The following ARHGAP39 variants were observed in gnomAD, a reference collection of about 807,000 sequenced individuals.
ARHGAP39 encodes Rho GTPase activating protein 39, also known as rho GTPase-activating protein 39.
A neutral mutation model predicts 106.9 loss-of-function variants in ARHGAP39; 44 were observed. The ratio of observed to expected loss-of-function variants is 0.41; its 90% CI spans 0.32 to 0.53. ARHGAP39 has a LOEUF of 0.53. Ranked by LOEUF, ARHGAP39 falls within the 20% of genes least tolerant of loss-of-function variation. The probability of loss-of-function intolerance (pLI) is 0.21; values close to 1 mark genes in which losing one functional copy is unlikely to be tolerated. For missense variants in ARHGAP39, 1,496 were observed against 1,577.3 expected, an observed-to-expected ratio of 0.95 and a Z score of 0.87; for synonymous variants, 768 against 693.2, an observed-to-expected ratio of 1.11 and a Z score of -1.69.
rs1177712775 is a variant in ARHGAP39, at chr8:144,533,239, C to T, written c.2775G>A (p.Glu925=). 20 of 1,613,142 alleles carry T rather than the reference C, an allele frequency of 1.2e-5. No homozygotes were observed. The highest frequency in any genetic ancestry group is 1.7e-5 in the Non-Finnish European group (20 of 1,179,990). The part of the protein sequence containing the change: ...SPSMFGSALQ[E]VMGMQRERYP... ...AGCGCTCTCTCTGCATGCCCATGAC[C>T]TCCTGCAGTGCGCTGCCGAACATGG... The change falls in exon 9 of 12, where the codon GAG becomes GAA. Residue 925 remains glutamate (E), a synonymous_variant. Coordinates refer to ENST00000377307, the MANE Select transcript of ARHGAP39 (RefSeq NM_025251.3).
intron 2 of ARHGAP39, among the ~76,000 whole-genome samples, chr8:144,597,102 C>CA (rs1184078557): frequency 4.6e-5 from 7 of 152,238 alleles, no homozygotes; most frequent in Admixed American, 4.6e-4. Flanking sequence ...CCCAAGGAGA[C>CA]AGAGGAGGGA....
chr8:144,561,703 C>A (rs1818171610), intron 3 of ARHGAP39, among the ~76,000 whole-genome samples: 1 of 151,708 alleles, frequency 6.6e-6, no homozygotes, highest in African/African-American at 2.4e-5. Flanking sequence ...TGGTTTCCAT[C>A]ACACTCCAGT....
chr8:144,561,323 C>A (rs1167477920), intron 3 of ARHGAP39, among the ~76,000 whole-genome samples: 1 of 152,048 alleles, frequency 6.6e-6, no homozygotes, highest in East Asian at 1.9e-4. Context: ...TTCCATCAGA[C>A]CCCAGTGCTT....
chr8:144,649,065 T>C (rs963700084), intron 1 of ARHGAP39, among the ~76,000 whole-genome samples: 2 of 152,128 alleles, frequency 1.3e-5, no homozygotes, highest in African/African-American at 4.8e-5. Context: ...GAGCAGGAGT[T>C]GGCTTCTTGG....
rs547984531 is a variant in ARHGAP39 at position 144,533,404 on chromosome 8, C to T, written c.2689-79G>A. ...CGCCACCCCGGTTGTCTTCTTTCCC[C>T]GAACATAGGTGGGTGGCGCTCTTCA... is the stretch of plus-strand genomic sequence containing the variant. On this transcript the variant is annotated intron_variant, in intron 8 of 11. Coordinates refer to ENST00000377307, the MANE Select transcript of ARHGAP39 (RefSeq NM_025251.3). 1.0e-4 allele frequency: 143 copies of T among 1,426,510 alleles called. No individual in the cohort carries two copies. The African/African-American group carries it at 1.5e-3, about 15-fold the overall frequency. The allele number at this position is 1,426,510 out of a possible 1,614,324, so 88.4% of individuals were successfully genotyped here.
intron 4 of ARHGAP39, among the ~76,000 whole-genome samples, chr8:144,555,234 C>T (rs1180119864): frequency 5.3e-5 from 8 of 152,250 alleles, no homozygotes; most frequent in South Asian, 2.1e-4. Context: ...TGCTTTGGCA[C>T]GTGTGGCCTG....
intron 4 of ARHGAP39, among the ~76,000 whole-genome samples, chr8:144,550,348 C>T (rs1203913160): frequency 6.6e-6 from 1 of 152,106 alleles, no homozygotes; most frequent in African/African-American, 2.4e-5. Flanking sequence ...ATCTGTAATC[C>T]CAGCACTTGG....
At chr8:144,602,841 G>A (rs1482865502) in intron 2 of ARHGAP39, among the ~76,000 whole-genome samples, 5 of 132,670 alleles carry the variant, frequency 3.8e-5, no homozygotes, top group African/African-American at 1.4e-4. Context: ...TGTGCATGGA[G>A]GCGTGCGTGT....
intron 1 of ARHGAP39, among the ~76,000 whole-genome samples, chr8:144,629,916 G>A (rs1821019957): frequency 1.3e-5 from 2 of 152,122 alleles, no homozygotes; most frequent in African/African-American, 4.8e-5. Flanking sequence ...CCAACTGTGA[G>A]TCCAGGTGCA....
chr8:144,667,716 G>T (rs1000027693), intron 1 of ARHGAP39, among the ~76,000 whole-genome samples: 2 of 152,184 alleles, frequency 1.3e-5, no homozygotes, highest in African/African-American at 4.8e-5. Context: ...CCTACTAGTT[G>T]TGTGACCCTG....
chr8:144,529,209 TC>T lies in ARHGAP39; in HGVS notation c.*1212del, dbSNP rs149527055. 0.012 allele frequency: 3,530 copies of T among 297,924 alleles called. 114 individuals carry two copies. The highest frequency in any genetic ancestry group is 0.072 in the African/African-American group (3,272 of 45,354). 18.5% of individuals were successfully genotyped at this position (297,924 alleles called of 1,614,324 possible). ...TCCATGTGCACTTTATTCACTCGTG[TC>T]GTCGCCTCTCGGGTCCATGCGTCGG... On this transcript the variant is annotated 3_prime_UTR_variant, in exon 12 of 12. Transcript: ENST00000377307.
At chr8:144,590,255 C>T (rs1819341698) in intron 2 of ARHGAP39, among the ~76,000 whole-genome samples, 1 of 152,230 alleles carries the variant, frequency 6.6e-6, no homozygotes, top group Non-Finnish European at 1.5e-5. Context: ...TGTATAGTGG[C>T]ACTGACAGGT....
rs1327330747 is a variant in ARHGAP39 at position 144,591,996 on chromosome 8, G to A, written c.81-10719C>T. Among the ~76,000 whole-genome samples the A allele has an allele frequency of 1.3e-5, 2 of 152,182 alleles. No homozygotes were observed. Among genetic ancestry groups the A allele is most frequent in the African/African-American group, 2.4e-5 (1 of 41,418 alleles). The stretch of plus-strand genomic sequence containing the variant: ...TGTTAGATTTTAGCAGAACAAAGTT[G>A]AGATACTCCCAAAATAGTTTTTCTG... On this transcript the variant is annotated intron_variant, in intron 2 of 11. Transcript: ENST00000377307. The surrounding 1 kb of genome is among the most constrained non-coding windows in gnomAD (Gnocchi z 5.3).
Position 144,605,550 on chromosome 8 carries a change from G to C in ARHGAP39, c.65C>G (p.Pro22Arg), listed in dbSNP as rs1820255381. 6.2e-7 allele frequency: 1 copy of C among 1,613,826 alleles called. No individual in the cohort carries two copies. Among genetic ancestry groups the C allele is most frequent in the Non-Finnish European group, 8.5e-7 (1 of 1,180,036 alleles). The change falls in exon 2 of 12, where the codon CCA (proline) becomes CGA (arginine). Residue 22 changes from proline (P) to arginine (R), a missense_variant. Transcript: ENST00000377307. ...GGCTCCTTACCGAGTGTTCGACCCT[G>C]GAATCCTCGACTCCGGCAGGTCGAC... ...HNVDLPESRI[P>R]GSNTRLEWVE...
chr8:144,602,515 C>T (rs1284552321), intron 2 of ARHGAP39, among the ~76,000 whole-genome samples: 2 of 113,408 alleles, frequency 1.8e-5, no homozygotes, highest in African/African-American at 3.5e-5. Context: ...TACATGGAGG[C>T]GTGCATGTGT....
chr8:144,628,806 A>G (rs1820988653), intron 1 of ARHGAP39, among the ~76,000 whole-genome samples: 1 of 152,100 alleles, frequency 6.6e-6, no homozygotes, highest in African/African-American at 2.4e-5. Flanking sequence ...CATGCCCCAC[A>G]TCCTGGTCCA....
rs146306340 is a variant in ARHGAP39 at position 144,676,730 on chromosome 8, C to T, written c.-82+8956G>A. ...GCCCAGCAGGCGCCAGCCACAGCAC[C>T]GGCTCCCGCCCACGCCTCTCCCTCC... On this transcript the variant is annotated intron_variant, in intron 1 of 11. Transcript: ENST00000377307. 2.9e-3 allele frequency among the ~76,000 whole-genome samples: 449 copies of T among 152,358 alleles called. 1 individual carries two copies. The highest frequency in any genetic ancestry group is 5.6e-3 in the Non-Finnish European group (378 of 68,036).
Position 144,530,314 on chromosome 8 carries a change from G to C in ARHGAP39, c.*108C>G, listed in dbSNP as rs367737984. On this transcript the variant is annotated 3_prime_UTR_variant, in exon 12 of 12. Coordinates refer to ENST00000377307, the MANE Select transcript of ARHGAP39 (RefSeq NM_025251.3). ...CCAGGGGCCTGGGGGAGTGGAGGGG[G>C]CTCCAGGGCTGGGCCGGGCGATTCT... 8.1e-7 allele frequency: 1 copy of C among 1,234,244 alleles called. No individual in the cohort carries two copies. Among genetic ancestry groups the C allele is most frequent in the Non-Finnish European group, 1.1e-6 (1 of 894,436 alleles). 76.5% of individuals were successfully genotyped at this position (1,234,244 alleles called of 1,614,324 possible). A position where few individuals can be genotyped will look rare whatever the true frequency, so the allele number is the denominator to read the frequency against.
In ARHGAP39 at chr8:144,604,417, G is replaced by A. The variant is rs1431225631; in HGVS notation, c.80+1118C>T. 2.0e-5 allele frequency among the ~76,000 whole-genome samples: 3 copies of A among 152,072 alleles called. No homozygotes were observed. The highest frequency in any genetic ancestry group is 1.5e-5 in the Non-Finnish European group (1 of 68,018). On this transcript the variant is annotated intron_variant, in intron 2 of 11. Transcript: ENST00000377307. This position sits in a 1 kb window ranked among gnomAD's most constrained non-coding sequence, Gnocchi z 4.1. ...TGTGACACGGGGGTCTCACGCAGTCGCTCAGGCCAGAGTGCAGTGGTGTGA... is the reference window on the plus strand; with the variant it reads ...TGTGACACGGGGGTCTCACGCAGTCACTCAGGCCAGAGTGCAGTGGTGTGA...
Sources: gnomAD v4.1 joint callset for allele counts (sites outside exome capture counted in the v4.1 genomes callset) on GRCh38, gnomAD v4.1.1 for gene constraint, Gnocchi (gnomAD v3.1) non-coding constraint, MANE v1.5 for transcripts, NCBI Gene and HGNC (gene_info 2026-07-23, HGNC 2026-07-21) for gene names.